ABI1: variants seen among roughly 807,000 people sequenced by gnomAD.
The protein encoded by ABI1 is Abelson interactor 1.
Under a neutral mutation model 54.6 loss-of-function variants are expected in ABI1, and 14 were observed. The observed-to-expected ratio is 0.26, with a 90% CI of 0.17 to 0.40. The LOEUF is 0.40. Among genes scored for constraint, ABI1 ranks in the 10% least tolerant of loss-of-function variants. The pLI, the probability that ABI1 is intolerant of heterozygous loss-of-function variation, is 1.00. For synonymous variants in ABI1, 194 were observed against 209.3 expected (o/e 0.93, Z 0.63); for missense variants, 443 against 598.3 (o/e 0.74, Z 2.71).
Position 26,811,363 on chromosome 10 carries a change from AG to A in ABI1, c.285+11774del, listed in dbSNP as rs201236258. Among the ~76,000 whole-genome samples, 3 of 152,292 alleles carry A rather than the reference AG, an allele frequency of 2.0e-5. No homozygotes were observed. In the East Asian group the frequency reaches 5.8e-4, roughly 29 times the overall value. ...TTCTATATTAGTGTATCTCTACTATAGCTTGCTCCTCTATAAATTTACCGTG... is the reference window on the plus strand; with the variant it reads ...TTCTATATTAGTGTATCTCTACTATACTTGCTCCTCTATAAATTTACCGTG... On this transcript the variant is annotated intron_variant, in intron 2 of 10. Transcript: ENST00000376140.
At chr10:26,820,058 A>T (rs1025277132) in intron 2 of ABI1, among the ~76,000 whole-genome samples, 2 of 152,224 alleles carry the variant, frequency 1.3e-5, no homozygotes, top group Non-Finnish European at 2.9e-5. Context: ...GCTGTTGCTC[A>T]AAGGGTACAA....
In ABI1 at chr10:26,842,084, G is replaced by A. The variant is rs141613911; in HGVS notation, c.117+18663C>T. On this transcript the variant is annotated intron_variant, in intron 1 of 10. Coordinates refer to ENST00000376140, the MANE Select transcript of ABI1 (RefSeq NM_001012750.3). ...AGGGGTCCATTTTCTCCACACCCTC[G>A]CCAACATTTGTTATCACTTCACTTT... Among the ~76,000 whole-genome samples the A allele has an allele frequency of 6.6e-5, 10 of 152,138 alleles. No individual in the cohort carries two copies. In the East Asian group the frequency reaches 1.5e-3, roughly 24 times the overall value.
chr10:26,825,391 T>C (rs1239177790), intron 1 of ABI1, among the ~76,000 whole-genome samples: 1 of 152,150 alleles, frequency 6.6e-6, no homozygotes, highest in African/African-American at 2.4e-5. Context: ...CCGGGTGCCA[T>C]GGCTCACGCC....
At chr10:26,858,451 A>G (rs1252985428) in intron 1 of ABI1, among the ~76,000 whole-genome samples, 1 of 136,918 alleles carries the variant, frequency 7.3e-6, no homozygotes, top group Non-Finnish European at 1.5e-5. Context: ...CTTTGCGTGA[A>G]TTCTTTTTTT....
chr10:26,808,594 G>A (rs571803204), intron 2 of ABI1, among the ~76,000 whole-genome samples: 5 of 151,504 alleles, frequency 3.3e-5, no homozygotes, highest in African/African-American at 7.3e-5. Context: ...ATGGTGGCAC[G>A]TGCCTGTAAT....
chr10:26,845,986 A>T (rs2049943981), intron 1 of ABI1, among the ~76,000 whole-genome samples: 1 of 151,972 alleles, frequency 6.6e-6, no homozygotes. Context: ...CTACAAAAAA[A>T]TACAAAAAGT....
At chr10:26,778,668 G>C (rs1841736430) in intron 2 of ABI1, among the ~76,000 whole-genome samples, 1 of 152,106 alleles carries the variant, frequency 6.6e-6, no homozygotes, top group South Asian at 2.1e-4. Context: ...ACCTCTCCAT[G>C]AGTATCTATC....
intron 7 of ABI1, among the ~76,000 whole-genome samples, chr10:26,760,166 A>G (rs1373219986): frequency 6.6e-6 from 1 of 152,076 alleles, no homozygotes; most frequent in Non-Finnish European, 1.5e-5. Flanking sequence ...TTAACATTGT[A>G]TTAAGTGTCA....
At chr10:26,790,980 A>G (rs535983367) in intron 2 of ABI1, among the ~76,000 whole-genome samples, 20 of 146,694 alleles carry the variant, frequency 1.4e-4, no homozygotes, top group Non-Finnish European at 2.5e-4. Flanking sequence ...CTGAGGTGGG[A>G]GGATCACCTG....
At chr10:26,856,340 C>A (rs148010283) in intron 1 of ABI1, among the ~76,000 whole-genome samples, 2 of 141,148 alleles carry the variant, frequency 1.4e-5, no homozygotes, top group African/African-American at 5.3e-5. Context: ...TCGAGAAAAT[C>A]TGGGTTTGAT....
chr10:26,772,357 T>C (rs1840796329), intron 3 of ABI1, among the ~76,000 whole-genome samples: 1 of 152,110 alleles, frequency 6.6e-6, no homozygotes, highest in Non-Finnish European at 1.5e-5. Flanking sequence ...GCAATGTATA[T>C]CTTATAATGT....
At chr10:26,754,669 T>C (rs546761648) in intron 9 of ABI1, among the ~76,000 whole-genome samples, 3 of 152,294 alleles carry the variant, frequency 2.0e-5, no homozygotes, top group South Asian at 2.1e-4. Context: ...TCTTGGAGGA[T>C]AGGCTGGGCA....
intron 6 of ABI1, 55 bp downstream of exon 6, chr10:26,768,797 G>A (rs905082905): frequency 3.6e-5 from 54 of 1,516,620 alleles, no homozygotes; most frequent in Middle Eastern, 1.8e-4. Flanking sequence ...GGAGTTTGTC[G>A]CCAGTCAGTT....
intron 1 of ABI1, 125 bp from the exon 2 acceptor site, chr10:26,823,430 A>G: frequency 1.3e-6 from 1 of 780,374 alleles, no homozygotes; most frequent in South Asian, 3.0e-5. Flanking sequence ...TCACTGTACC[A>G]ATATGATAGT....
chr10:26,787,279 A>C (rs1470258262), intron 2 of ABI1, among the ~76,000 whole-genome samples: 1 of 152,164 alleles, frequency 6.6e-6, no homozygotes, highest in Non-Finnish European at 1.5e-5. Flanking sequence ...ACCTGTTTAA[A>C]CCCTATTAAA....
At chr10:26,772,877 A>C (rs1840867542) in intron 3 of ABI1, among the ~76,000 whole-genome samples, 1 of 151,990 alleles carries the variant, frequency 6.6e-6, no homozygotes, top group Non-Finnish European at 1.5e-5. Flanking sequence ...GTTTGAGACC[A>C]GCCTGGGCAA....
chr10:26,764,065 A>G, intron 7 of ABI1: 1 of 777,230 alleles, frequency 1.3e-6, no homozygotes, highest in Non-Finnish European at 2.0e-6. Flanking sequence ...GAAAAAAGAT[A>G]CCCCCATGTA....
intron 2 of ABI1, among the ~76,000 whole-genome samples, chr10:26,801,775 T>A (rs2046579256): frequency 6.6e-6 from 1 of 152,244 alleles, no homozygotes; most frequent in South Asian, 2.1e-4. Flanking sequence ...AAAGAGATGA[T>A]GTGATTATCC....
chr10:26,780,382 C>G (rs1200809165), intron 2 of ABI1, among the ~76,000 whole-genome samples: 1 of 152,164 alleles, frequency 6.6e-6, no homozygotes, highest in Non-Finnish European at 1.5e-5. Flanking sequence ...TGTATCCCAC[C>G]ATGCCAGGCT....
Sources: gnomAD v4.1 joint callset for allele counts (sites outside exome capture counted in the v4.1 genomes callset) on GRCh38, gnomAD v4.1.1 for gene constraint, MANE v1.5 for transcripts, NCBI Gene and HGNC (gene_info 2026-07-23, HGNC 2026-07-21) for gene names.